Variants in NIM1K observed in about 807,000 individuals in gnomAD.
NIM1K encodes the protein NIM1 serine/threonine protein kinase.
Under a neutral mutation model 37.1 loss-of-function variants are expected in NIM1K, and 35 were observed. The ratio of observed to expected loss-of-function variants is 0.94; its 90% confidence interval spans 0.72 to 1.25. The LOEUF (loss-of-function observed/expected upper bound fraction) is 1.25, where lower values mean the gene tolerates loss of function less well. Among genes scored for constraint, NIM1K ranks in the 50% most tolerant of loss-of-function variants. The pLI is 0.00. For synonymous variants in NIM1K, 234 were observed against 206.6 expected (o/e 1.13, Z -1.14); for missense variants, 564 against 548.0 (o/e 1.03, Z -0.29).
chr5:43,234,322 T>A (rs939713431), intron 1 of NIM1K, among the ~76,000 whole-genome samples: 2 of 152,204 alleles, frequency 1.3e-5, no homozygotes, highest in African/African-American at 4.8e-5. Flanking sequence ...ACGCCTAGCA[T>A]CTTATTACAA....
chr5:43,201,204 T>C (rs1752015530), intron 1 of NIM1K, among the ~76,000 whole-genome samples: 1 of 151,554 alleles, frequency 6.6e-6, no homozygotes, highest in Non-Finnish European at 1.5e-5. Context: ...GGTCATGAGA[T>C]CGAGACCATT....
intron 1 of NIM1K, among the ~76,000 whole-genome samples, chr5:43,206,116 C>G (rs1187356233): frequency 2.0e-5 from 3 of 152,086 alleles, no homozygotes; most frequent in Non-Finnish European, 4.4e-5. Flanking sequence ...AGGTCAGTCT[C>G]AGAGAGGCTA....
intron 1 of NIM1K, among the ~76,000 whole-genome samples, chr5:43,219,624 GT>G (rs1178878255): frequency 6.6e-6 from 1 of 152,116 alleles, no homozygotes; most frequent in Non-Finnish European, 1.5e-5. Flanking sequence ...ATTGAGTTGT[GT>G]TACTTACAGA....
chr5:43,198,159 C>G (rs529952495), intron 1 of NIM1K, among the ~76,000 whole-genome samples: 3 of 50,758 alleles, frequency 5.9e-5, no homozygotes, highest in Non-Finnish European at 1.3e-4. Context: ...TTCTTTCTTT[C>G]TTTCTTTCTT....
chr5:43,255,279 G>T (rs978721307), intron 2 of NIM1K, among the ~76,000 whole-genome samples: 1 of 152,160 alleles, frequency 6.6e-6, no homozygotes, highest in Non-Finnish European at 1.5e-5. Flanking sequence ...TATTCACTCA[G>T]CAAATACTTG....
At chr5:43,273,653 T>C in intron 2 of NIM1K, among the ~76,000 whole-genome samples, 1 of 152,212 alleles carries the variant, frequency 6.6e-6, no homozygotes, top group Non-Finnish European at 1.5e-5. Context: ...CAGGCTGATC[T>C]GGGGCCACCC....
chr5:43,210,028 A>G (rs1382955559), intron 1 of NIM1K, among the ~76,000 whole-genome samples: 1 of 152,212 alleles, frequency 6.6e-6, no homozygotes, highest in Non-Finnish European at 1.5e-5. Flanking sequence ...TGCCCCACAG[A>G]AACGCACATT....
chr5:43,230,817 T>C (rs1302096042), intron 1 of NIM1K, among the ~76,000 whole-genome samples: 1 of 152,240 alleles, frequency 6.6e-6, no homozygotes, highest in East Asian at 1.9e-4. Flanking sequence ...TCCTTCCCCA[T>C]TTGTCACCCA....
At chr5:43,198,062 A>G (rs13185037) in intron 1 of NIM1K, among the ~76,000 whole-genome samples, 8,755 of 152,026 alleles carry the variant, frequency 0.058, 367 homozygotes, top group East Asian at 0.21. Context: ...GGGAAAACAT[A>G]ATCTATTTCT....
chr5:43,235,472 C>T (rs1752607331), intron 1 of NIM1K, among the ~76,000 whole-genome samples: 1 of 152,202 alleles, frequency 6.6e-6, no homozygotes, highest in South Asian at 2.1e-4. Context: ...CCAGACCCCA[C>T]AGATGGGTAG....
chr5:43,268,780 T>G (rs982679964), intron 2 of NIM1K, among the ~76,000 whole-genome samples: 2 of 152,096 alleles, frequency 1.3e-5, no homozygotes, highest in African/African-American at 4.8e-5. Flanking sequence ...AAGATTATTA[T>G]CATTTAAACT....
chr5:43,269,081 G>T (rs1217368316), intron 2 of NIM1K, among the ~76,000 whole-genome samples: 1 of 151,958 alleles, frequency 6.6e-6, no homozygotes, highest in African/African-American at 2.4e-5. Context: ...GGCTGAGGCA[G>T]GTATATCACC....
Position 43,245,262 on chromosome 5 carries a change from A to G in NIM1K, c.-514A>G, listed in dbSNP as rs1004283415. On this transcript the variant is annotated 5_prime_UTR_variant, in exon 2 of 4. Coordinates refer to ENST00000326035, the MANE Select transcript of NIM1K (RefSeq NM_153361.4). ...GATTATTAGGTCTCCAGCGCCCTGC[A>G]GCTTGACAGAAAGAGAAGCATGAAA... is the stretch of plus-strand genomic sequence containing the variant. The G allele has an allele frequency of 6.6e-6, 1 of 152,390 alleles. No individual in the cohort carries two copies. Among genetic ancestry groups the G allele is most frequent in the African/African-American group, 2.4e-5 (1 of 41,452 alleles). 9.4% of individuals were successfully genotyped at this position (152,390 alleles called of 1,614,324 possible). A position where few individuals can be genotyped will look rare whatever the true frequency, so the allele number is the denominator to read the frequency against.
At chr5:43,278,891 C>T (rs1203356408) in intron 3 of NIM1K, among the ~76,000 whole-genome samples, 1 of 152,146 alleles carries the variant, frequency 6.6e-6, no homozygotes, top group Non-Finnish European at 1.5e-5. Flanking sequence ...TGATATATGA[C>T]CAATCATCAT....
intron 1 of NIM1K, among the ~76,000 whole-genome samples, chr5:43,198,203 CTTTCTCTTTCTTTCTTTCTTTCTT>C (rs1561069978): frequency 6.4e-4 from 30 of 46,744 alleles, no homozygotes; most frequent in Non-Finnish European, 1.0e-3. Context: ...TTCTTTCTTT[CTTTCTCTTTCTTTCTTTCTTTCTT>C]TCTTTCTTTC....
intron 1 of NIM1K, among the ~76,000 whole-genome samples, chr5:43,198,898 T>A (rs531629278): frequency 1.2e-4 from 18 of 152,074 alleles, no homozygotes; most frequent in African/African-American, 4.1e-4. Flanking sequence ...TTTAAAAATA[T>A]GTATAAAGGG....
intron 3 of NIM1K, 45 bp downstream of exon 3, chr5:43,277,370 C>T (rs770982809): frequency 1.9e-5 from 30 of 1,583,498 alleles, no homozygotes; most frequent in Non-Finnish European, 2.6e-5. Context: ...ATTGCACTGA[C>T]ACTGGGAGCA....
At chr5:43,195,958 C>A (rs1215110094) in intron 1 of NIM1K, among the ~76,000 whole-genome samples, 1 of 152,230 alleles carries the variant, frequency 6.6e-6, no homozygotes, top group Non-Finnish European at 1.5e-5. Context: ...AAGAACTCCA[C>A]TCTTCATCTT....
At chr5:43,249,831 A>G (rs1026720541) in intron 2 of NIM1K, among the ~76,000 whole-genome samples, 1 of 150,882 alleles carries the variant, frequency 6.6e-6, no homozygotes, top group African/African-American at 2.4e-5. Flanking sequence ...ATCCTAGTTG[A>G]CATTTTATGT....
Sources: gnomAD v4.1 joint callset for allele counts (sites outside exome capture counted in the v4.1 genomes callset) on GRCh38, gnomAD v4.1.1 for gene constraint, MANE v1.5 for transcripts, NCBI Gene and HGNC (gene_info 2026-07-23, HGNC 2026-07-21) for gene names.